NFXL1: variants seen among roughly 807,000 people sequenced by gnomAD.
NFXL1 encodes the protein nuclear transcription factor, X-box binding like 1.
A neutral mutation model predicts 123.3 loss-of-function variants in NFXL1; 66 were observed. That is an observed-to-expected ratio of 0.54 (90% confidence interval 0.44 to 0.66). NFXL1 has a LOEUF of 0.66. NFXL1 is among the 30% of genes least tolerant of loss of function. The probability of loss-of-function intolerance (pLI) is 0.00; values close to 1 mark genes in which losing one functional copy is unlikely to be tolerated. For synonymous variants in NFXL1, 346 were observed against 360.8 expected (o/e 0.96, Z 0.46); for missense variants, 944 against 1,125.6 (o/e 0.84, Z 2.31).
chr4:47,870,750 A>C (rs1236928068), intron 18 of NFXL1, among the ~76,000 whole-genome samples: 1 of 152,228 alleles, frequency 6.6e-6, no homozygotes, highest in Non-Finnish European at 1.5e-5. Flanking sequence ...CTGCCCATTA[A>C]AAAGGCCCTT....
intron 8 of NFXL1, 108 bp downstream of exon 8, chr4:47,898,649 C>A: frequency 1.4e-6 from 1 of 700,566 alleles, no homozygotes; most frequent in Non-Finnish European, 2.6e-6. Context: ...AGTTGCTATT[C>A]TTCCTTGCCT....
intron 20 of NFXL1, among the ~76,000 whole-genome samples, chr4:47,852,788 C>G (rs1209090052): frequency 6.6e-6 from 1 of 151,968 alleles, no homozygotes; most frequent in Non-Finnish European, 1.5e-5. Flanking sequence ...TTATTGCTGC[C>G]AATGTCACTT....
At chr4:47,913,823 C>A in intron 2 of NFXL1, 146 bp downstream of exon 2, 1 of 531,570 alleles carries the variant, frequency 1.9e-6, no homozygotes, top group Non-Finnish European at 3.3e-6. Context: ...AGCAGCCACC[C>A]GAAAGGCTGG....
At chr4:47,908,954 CAA>C (rs11457014) in intron 3 of NFXL1, among the ~76,000 whole-genome samples, 4 of 90,500 alleles carry the variant, frequency 4.4e-5, no homozygotes, top group Admixed American at 1.1e-4. Context: ...GACTCCGTCG[CAA>C]AAAAAAAAAA....
intron 11 of NFXL1, among the ~76,000 whole-genome samples, chr4:47,892,275 A>G (rs1736817647): frequency 6.6e-6 from 1 of 152,216 alleles, no homozygotes; most frequent in South Asian, 2.1e-4. Context: ...TTCTGGCTAT[A>G]GCACAAGGAG....
intron 4 of NFXL1, among the ~76,000 whole-genome samples, chr4:47,903,709 G>A (rs1055325973): frequency 2.0e-5 from 3 of 151,818 alleles, no homozygotes; most frequent in African/African-American, 4.8e-5. Context: ...GTAGACTTAC[G>A]TACTTAAATT....
intron 4 of NFXL1, 41 bp from the exon 5 acceptor site, chr4:47,903,364 CTT>C: frequency 7.4e-7 from 1 of 1,357,092 alleles, no homozygotes; most frequent in South Asian, 1.7e-5. Context: ...GTTAATTTTT[CTT>C]TGTTAATTGT....
chr4:47,848,418 G>C (rs1240644526), intron 22 of NFXL1, 82 bp from the exon 23 acceptor site: 9 of 1,107,878 alleles, frequency 8.1e-6, no homozygotes, highest in Non-Finnish European at 1.0e-5. Context: ...AATCAATTTG[G>C]GTAATGTTTT....
intron 15 of NFXL1, among the ~76,000 whole-genome samples, chr4:47,881,977 A>G (rs1736140623): frequency 1.3e-5 from 2 of 152,318 alleles, no homozygotes; most frequent in South Asian, 4.1e-4. Context: ...ATGACATTAC[A>G]CATTTGTTAA....
At chr4:47,876,800 G>A (rs1735782570) in intron 17 of NFXL1, among the ~76,000 whole-genome samples, 1 of 152,126 alleles carries the variant, frequency 6.6e-6, no homozygotes, top group African/African-American at 2.4e-5. Flanking sequence ...CAGGTTATGA[G>A]AAACTGTCAG....
chr4:47,856,752 T>C (rs955448484), intron 19 of NFXL1, among the ~76,000 whole-genome samples: 3 of 152,228 alleles, frequency 2.0e-5, no homozygotes, highest in Non-Finnish European at 4.4e-5. Flanking sequence ...AGAACTGCTA[T>C]TAATAGAGTA....
At chr4:47,850,433 C>A (rs1470081743) in intron 22 of NFXL1, among the ~76,000 whole-genome samples, 3 of 152,000 alleles carry the variant, frequency 2.0e-5, no homozygotes, top group African/African-American at 7.2e-5. Flanking sequence ...ACAATACAAT[C>A]TGATAAGTAT....
intron 18 of NFXL1, among the ~76,000 whole-genome samples, chr4:47,870,142 C>T (rs1735343072): frequency 6.6e-6 from 1 of 152,092 alleles, no homozygotes; most frequent in South Asian, 2.1e-4. Flanking sequence ...AATGATACTA[C>T]ATATTCTAAA....
chr4:47,886,901 T>C (rs1014026908), intron 12 of NFXL1, among the ~76,000 whole-genome samples: 2 of 152,224 alleles, frequency 1.3e-5, no homozygotes, highest in African/African-American at 4.8e-5. Flanking sequence ...GAATTCCCAA[T>C]AACTTCTTTC....
chr4:47,894,613 G>A (rs748127720), intron 10 of NFXL1, among the ~76,000 whole-genome samples: 15 of 151,068 alleles, frequency 9.9e-5, no homozygotes, highest in Non-Finnish European at 1.9e-4. Context: ...TCTTGTCTCA[G>A]TAAAGCCAAA....
intron 17 of NFXL1, 69 bp downstream of exon 17, chr4:47,878,456 T>C (rs757428775): frequency 1.6e-5 from 19 of 1,175,062 alleles, no homozygotes; most frequent in East Asian, 2.7e-5. Context: ...AAAATATTTA[T>C]GGTATAACTG....
At chr4:47,876,563 T>C (rs1048881235) in intron 17 of NFXL1, among the ~76,000 whole-genome samples, 1 of 152,116 alleles carries the variant, frequency 6.6e-6, no homozygotes, top group Non-Finnish European at 1.5e-5. Flanking sequence ...AGGAGTTAGA[T>C]CATTACTGAG....
rs766970189 is a variant in NFXL1, at chr4:47,851,912, G to C, written c.2452C>G (p.Gln818Glu). The C allele has an allele frequency of 6.2e-7, 1 of 1,611,098 alleles. No homozygotes were observed. The highest frequency in any genetic ancestry group is 8.5e-7 in the Non-Finnish European group (1 of 1,177,678). Reference sequence around the variant, plus strand: ...GTTGTGTCACATTCTATTGAAACCTGATTTTCACGTACTTTGTTGCACTGC... The same window carrying C: ...GTTGTGTCACATTCTATTGAAACCTCATTTTCACGTACTTTGTTGCACTGC... ...ELQCNKVRENQVSIECDTTCK... is the reference protein window; with the variant it reads ...ELQCNKVRENEVSIECDTTCK... The change falls in exon 21 of 23, where the codon CAG (glutamine) becomes GAG (glutamate). Residue 818 changes from glutamine to glutamate, a missense_variant. This residue lies in a region of NFXL1 where 301 missense variants were observed against 348.0 expected (regional missense o/e 0.86). Coordinates refer to ENST00000507489, the MANE Select transcript of NFXL1 (RefSeq NM_001278624.2).
At chr4:47,906,268 T>C (rs1218244826) in intron 3 of NFXL1, among the ~76,000 whole-genome samples, 32 of 152,330 alleles carry the variant, frequency 2.1e-4, no homozygotes, top group Non-Finnish European at 4.4e-5. Context: ...GATTGTTCAA[T>C]AGTGGTTAAC....
Sources: gnomAD v4.1 joint callset for allele counts (sites outside exome capture counted in the v4.1 genomes callset) on GRCh38, gnomAD v4.1.1 for gene constraint, gnomAD v4.1.1 regional missense constraint, MANE v1.5 for transcripts, NCBI Gene and HGNC (gene_info 2026-07-23, HGNC 2026-07-21) for gene names.